Variants in MPPED2 observed in about 807,000 individuals in gnomAD.
MPPED2 encodes metallophosphoesterase MPPED2.
A neutral mutation model predicts 33.0 loss-of-function variants in MPPED2; 5 were observed. That is an observed-to-expected ratio of 0.15 (90% confidence interval 0.08 to 0.32). The LOEUF is 0.32. Among genes scored for constraint, MPPED2 ranks in the 10% least tolerant of loss-of-function variants. The pLI is 1.00. For missense variants in MPPED2, 275 were observed against 372.1 expected, an observed-to-expected ratio of 0.74 and a Z score of 2.15; for synonymous variants, 136 against 141.9, an observed-to-expected ratio of 0.96 and a Z score of 0.29.
intron 4 of MPPED2, among the ~76,000 whole-genome samples, chr11:30,478,732 G>A (rs929065511): frequency 9.2e-5 from 14 of 152,102 alleles, no homozygotes; most frequent in African/African-American, 3.4e-4. Flanking sequence ...AAGGATTTAT[G>A]AGATTCATTT....
At chr11:30,578,245 T>TA (rs1189863253) in intron 2 of MPPED2, among the ~76,000 whole-genome samples, 4 of 152,146 alleles carry the variant, frequency 2.6e-5, no homozygotes, top group Non-Finnish European at 5.9e-5. Flanking sequence ...TGGAAGGTGC[T>TA]AAGATGTGTT....
At chr11:30,395,822 A>G (rs979700880) in intron 6 of MPPED2, among the ~76,000 whole-genome samples, 15 of 152,178 alleles carry the variant, frequency 9.9e-5, no homozygotes, top group African/African-American at 3.6e-4. Flanking sequence ...TTTGCAATCA[A>G]TCTTTTCAGA....
chr11:30,580,825 C>T (rs1957132652), intron 1 of MPPED2, among the ~76,000 whole-genome samples: 1 of 152,150 alleles, frequency 6.6e-6, no homozygotes. Flanking sequence ...GGTTTGTGCT[C>T]CAAGTGAAGA....
chr11:30,557,781 A>G (rs1207342587), intron 2 of MPPED2, among the ~76,000 whole-genome samples: 1 of 152,230 alleles, frequency 6.6e-6, no homozygotes, highest in Non-Finnish European at 1.5e-5. Flanking sequence ...AAAAGTTGCT[A>G]TAGTAATATG....
At chr11:30,461,198 G>T (rs534068774) in intron 4 of MPPED2, among the ~76,000 whole-genome samples, 1 of 152,160 alleles carries the variant, frequency 6.6e-6, no homozygotes, top group Non-Finnish European at 1.5e-5. Context: ...AATGGTGGTT[G>T]CTAGGGGCTC....
chr11:30,577,943 T>C (rs1208569002), intron 2 of MPPED2, among the ~76,000 whole-genome samples: 1 of 152,192 alleles, frequency 6.6e-6, no homozygotes, highest in Non-Finnish European at 1.5e-5. Context: ...AACAAGCCTT[T>C]CTTTAAGAAG....
At chr11:30,575,298 C>T (rs1195847644) in intron 2 of MPPED2, among the ~76,000 whole-genome samples, 1 of 152,166 alleles carries the variant, frequency 6.6e-6, no homozygotes, top group African/African-American at 2.4e-5. Context: ...ATCTCATACT[C>T]ATCAGCTGGT....
rs139733535 is a variant in MPPED2, at chr11:30,581,216, C to T, written c.-121-722G>A. ...CCACCACTTTGAATGCATTCATTAC[C>T]TCCCTTCTTCAAGCCCCGATGGAGC... is the stretch of plus-strand genomic sequence containing the variant. On this transcript the variant is annotated intron_variant, in intron 1 of 6. Coordinates refer to ENST00000358117, the MANE Select transcript of MPPED2 (RefSeq NM_001584.3). Among the ~76,000 whole-genome samples the T allele has an allele frequency of 5.0e-3, 763 of 152,304 alleles. 9 individuals are homozygous for T. The highest frequency in any genetic ancestry group is 0.018 in the African/African-American group (742 of 41,566).
intron 3 of MPPED2, among the ~76,000 whole-genome samples, chr11:30,525,057 AG>A (rs573999320): frequency 6.6e-5 from 10 of 152,214 alleles, no homozygotes; most frequent in Non-Finnish European, 1.2e-4. Flanking sequence ...GGAAAGACAA[AG>A]CCCCCAGTCC....
chr11:30,539,420 CAT>C (rs2134513093), intron 2 of MPPED2, among the ~76,000 whole-genome samples: 1 of 152,154 alleles, frequency 6.6e-6, no homozygotes, highest in East Asian at 1.9e-4. Context: ...GATATTTGCA[CAT>C]ATGTTTGAGT....
chr11:30,543,095 C>CA lies in MPPED2; in HGVS notation c.129-6921dup, dbSNP rs1398598035. Among the ~76,000 whole-genome samples, 14 of 151,708 alleles carry CA rather than the reference C, an allele frequency of 9.2e-5. 1 individual carries two copies. The highest frequency in any genetic ancestry group is 3.4e-4 in the African/African-American group (14 of 41,368). On this transcript the variant is annotated intron_variant, in intron 2 of 6. Transcript: ENST00000358117. ...AACTAAATAAGTCTCCTAAGTTTACCAAAAAAATAAAAATAAGTCTCCTAA... is the reference window on the plus strand; with the variant it reads ...AACTAAATAAGTCTCCTAAGTTTACCAAAAAAAATAAAAATAAGTCTCCTAA...
intron 4 of MPPED2, among the ~76,000 whole-genome samples, chr11:30,477,905 C>A (rs914558861): frequency 6.6e-6 from 1 of 152,038 alleles, no homozygotes; most frequent in Non-Finnish European, 1.5e-5. Context: ...GTAGAATATA[C>A]ACAAAGAATT....
Position 30,417,568 on chromosome 11 carries a change from T to C in MPPED2, c.602A>G (p.Asn201Ser). The C allele has an allele frequency of 6.2e-7, 1 of 1,613,246 alleles. No homozygotes were observed. Among genetic ancestry groups the C allele is most frequent in the Non-Finnish European group, 8.5e-7 (1 of 1,179,542 alleles). Residue 201 changes from asparagine to serine, a missense_variant, in exon 5 of 7, where the codon AAC becomes AGC. Coordinates refer to ENST00000358117, the MANE Select transcript of MPPED2 (RefSeq NM_001584.3). Reference protein sequence around the residue: ...PRGQSLLDKWNLIPEGIDILM... With the variant: ...PRGQSLLDKWSLIPEGIDILM... ...TATGTCAATGCCCTCAGGGATGAGG[T>C]TCCACTTGTCCAGCAGAGACTGACC...
chr11:30,418,341 T>A (rs1948466633), intron 4 of MPPED2, among the ~76,000 whole-genome samples: 1 of 152,176 alleles, frequency 6.6e-6, no homozygotes, highest in African/African-American at 2.4e-5. Flanking sequence ...CCCAGGAACT[T>A]CTGCTCCAAG....
chr11:30,512,205 ACCTTGGTTCCAGGGT>A (rs1282276511), intron 3 of MPPED2, among the ~76,000 whole-genome samples: 5 of 152,100 alleles, frequency 3.3e-5, no homozygotes, highest in Non-Finnish European at 5.9e-5. Flanking sequence ...AGGGCCATGC[ACCTTGGTTCCAGGGT>A]CCCCTTCCAG....
At chr11:30,411,871 GA>G (rs1948119270) in intron 6 of MPPED2, among the ~76,000 whole-genome samples, 1 of 151,882 alleles carries the variant, frequency 6.6e-6, no homozygotes, top group Admixed American at 6.6e-5. Flanking sequence ...GGAGAATAAA[GA>G]AAAACTTTTT....
intron 2 of MPPED2, among the ~76,000 whole-genome samples, chr11:30,565,851 AT>A (rs1160170845): frequency 6.6e-6 from 1 of 152,184 alleles, no homozygotes; most frequent in Non-Finnish European, 1.5e-5. Flanking sequence ...ACTCCATTGC[AT>A]ACTTACTTTG....
intron 3 of MPPED2, among the ~76,000 whole-genome samples, chr11:30,532,681 A>T (rs1272368732): frequency 6.6e-6 from 1 of 152,190 alleles, no homozygotes; most frequent in Non-Finnish European, 1.5e-5. Context: ...GTGAATTCAA[A>T]ACTGGCTGGG....
At chr11:30,514,600 T>C (rs1469760024) in intron 3 of MPPED2, among the ~76,000 whole-genome samples, 1 of 152,206 alleles carries the variant, frequency 6.6e-6, no homozygotes, top group Non-Finnish European at 1.5e-5. Flanking sequence ...TATGTTTACA[T>C]GTTCATAAAT....
Sources: allele counts gnomAD v4.1 joint callset (sites outside exome capture counted in the v4.1 genomes callset), GRCh38; gene constraint gnomAD v4.1.1; transcripts MANE v1.5; gene names NCBI Gene and HGNC (gene_info 2026-07-23, HGNC 2026-07-21).